The following FAM20B variants were observed in gnomAD, a reference collection of about 807,000 sequenced individuals.
The protein encoded by FAM20B is FAM20B glycosaminoglycan xylosylkinase.
FAM20B carries 23 observed loss-of-function variants against 43.8 expected under a neutral mutation model. That is an observed-to-expected ratio of 0.53 (90% confidence interval 0.38 to 0.74). The LOEUF is 0.74. Among genes scored for constraint, FAM20B ranks in the 30% least tolerant of loss-of-function variants. FAM20B has a pLI of 0.00. For missense variants in FAM20B, 440 were observed against 510.5 expected, an observed-to-expected ratio of 0.86 and a Z score of 1.33; for synonymous variants, 178 against 192.4, an observed-to-expected ratio of 0.93 and a Z score of 0.62.
chr1:179,019,020 C>CAT, the FAM20B span, among the ~76,000 whole-genome samples: 1 of 152,210 alleles, frequency 6.6e-6, no homozygotes, highest in African/African-American at 2.4e-5. Flanking sequence ...TCAGAGATCA[C>CAT]ATATTCAACC....
intron 3 of FAM20B, among the ~76,000 whole-genome samples, chr1:179,051,649 A>C (rs1651012024): frequency 6.6e-6 from 1 of 152,000 alleles, no homozygotes; most frequent in Non-Finnish European, 1.5e-5. Context: ...TAAAATAATA[A>C]ATAAATTTTT....
chr1:179,070,427 T>C (rs1327450968), intron 7 of FAM20B, among the ~76,000 whole-genome samples: 2 of 151,506 alleles, frequency 1.3e-5, no homozygotes, highest in African/African-American at 4.9e-5. Context: ...GGTGCCAGCA[T>C]CTGACAAGGG....
At chr1:179,071,295 CA>C (rs1042624248) in intron 7 of FAM20B, among the ~76,000 whole-genome samples, 6 of 148,724 alleles carry the variant, frequency 4.0e-5, no homozygotes, top group Admixed American at 1.3e-4. Context: ...GACTCTGTCT[CA>C]AAAAAAAAAT....
chr1:179,024,238 C>A (rs1462167707), upstream of FAM20B, among the ~76,000 whole-genome samples: 1 of 152,182 alleles, frequency 6.6e-6, no homozygotes, highest in Admixed American at 6.5e-5. Flanking sequence ...GCCCCCTGCC[C>A]TCACCTGAAA....
intron 1 of FAM20B, among the ~76,000 whole-genome samples, chr1:179,041,438 G>A (rs1220768812): frequency 6.6e-6 from 1 of 152,110 alleles, no homozygotes; most frequent in Non-Finnish European, 1.5e-5. Context: ...CGGATCACTC[G>A]CGGTTAGGAG....
chr1:179,056,202 G>C (rs976517296), intron 4 of FAM20B, among the ~76,000 whole-genome samples: 3 of 152,072 alleles, frequency 2.0e-5, no homozygotes, highest in Admixed American at 1.3e-4. Flanking sequence ...CTGTGGGTTT[G>C]GACAAATATA....
In FAM20B at chr1:179,054,543, A is replaced by G. The variant is rs1651131635; in HGVS notation, c.479A>G (p.His160Arg). ...TTCCAAACCAGGATTCTGGGTTTCCACCGAGCCCCCTTGGTAGTTGGCAGA... is the reference window on the plus strand; with the variant it reads ...TTCCAAACCAGGATTCTGGGTTTCCGCCGAGCCCCCTTGGTAGTTGGCAGA... ...AFHLDRILGF[H>R]RAPLVVGRFV... Residue 160 changes from histidine to arginine, a missense_variant, in exon 4 of 8, where the codon CAC (histidine) becomes CGC (arginine). Transcript: ENST00000263733. 6.2e-7 allele frequency: 1 copy of G among 1,611,832 alleles called. No homozygotes were observed. Among genetic ancestry groups the G allele is most frequent in the Non-Finnish European group, 8.5e-7 (1 of 1,178,136 alleles).
chr1:179,022,661 G>C (rs1649624717), upstream of FAM20B, among the ~76,000 whole-genome samples: 3 of 152,132 alleles, frequency 2.0e-5, no homozygotes, highest in Non-Finnish European at 4.4e-5. Flanking sequence ...AGTCTCTGGG[G>C]CTCAATTCCC....
At chr1:179,035,610 G>A (rs928110404) in intron 1 of FAM20B, 3 of 494,884 alleles carry the variant, frequency 6.1e-6, no homozygotes, top group Non-Finnish European at 1.1e-5. Context: ...ACGTAACTGT[G>A]GCCCTTTTTG....
At chr1:179,036,844 C>T (rs144659991) in intron 1 of FAM20B, among the ~76,000 whole-genome samples, 4 of 152,144 alleles carry the variant, frequency 2.6e-5, no homozygotes, top group African/African-American at 4.8e-5. Context: ...TAAGGAGGGA[C>T]GAAAAATTGC....
chr1:179,054,738 A>C (rs1236198702), intron 4 of FAM20B, 100 bp downstream of exon 4: 2 of 661,126 alleles, frequency 3.0e-6, no homozygotes, highest in East Asian at 2.7e-5. Context: ...GAATTGAAGA[A>C]CTCAGTGGAA....
intron 1 of FAM20B, among the ~76,000 whole-genome samples, chr1:179,028,679 T>G (rs1245517483): frequency 6.6e-6 from 1 of 152,182 alleles, no homozygotes; most frequent in African/African-American, 2.4e-5. Context: ...TTTTGTGGAT[T>G]GGGATGGGGA....
At chr1:179,028,533 G>A (rs1032558296) in intron 1 of FAM20B, among the ~76,000 whole-genome samples, 7 of 152,338 alleles carry the variant, frequency 4.6e-5, no homozygotes, top group Middle Eastern at 3.4e-3. Flanking sequence ...AGTGAGCTGA[G>A]ATTGCACCAC....
At chr1:179,021,189 C>A (rs893785349), upstream of FAM20B, among the ~76,000 whole-genome samples, 43 of 152,184 alleles carry the variant, frequency 2.8e-4, no homozygotes, top group African/African-American at 1.0e-3. Context: ...CATTATCCAT[C>A]GATGGTAGAA....
intron 3 of FAM20B, among the ~76,000 whole-genome samples, chr1:179,050,966 C>G (rs1287710299): frequency 6.6e-6 from 1 of 150,918 alleles, no homozygotes; most frequent in Non-Finnish European, 1.5e-5. Flanking sequence ...TACTAAAATA[C>G]AAAAAATTAG....
intron 7 of FAM20B, among the ~76,000 whole-genome samples, chr1:179,069,168 CA>C (rs1309766655): frequency 1.3e-5 from 2 of 152,036 alleles, no homozygotes; most frequent in Non-Finnish European, 2.9e-5. Context: ...ACCAAGGACC[CA>C]CACCTTCTGG....
the FAM20B span, among the ~76,000 whole-genome samples, chr1:179,017,644 A>G: frequency 1.3e-5 from 2 of 152,316 alleles, no homozygotes; most frequent in South Asian, 4.1e-4. Flanking sequence ...GGTGCATTTT[A>G]TAACCTGTGA....
intron 1 of FAM20B, among the ~76,000 whole-genome samples, chr1:179,033,042 C>T (rs1650075432): frequency 6.6e-6 from 1 of 152,178 alleles, no homozygotes; most frequent in Non-Finnish European, 1.5e-5. Context: ...GCACAGTGCC[C>T]TACTGTCACT....
intron 4 of FAM20B, among the ~76,000 whole-genome samples, chr1:179,063,518 G>T (rs1651562203): frequency 6.6e-6 from 1 of 152,158 alleles, no homozygotes; most frequent in South Asian, 2.1e-4. Context: ...AGCCCCAGAG[G>T]CAGAGGTTGC....
Sources: gnomAD v4.1 joint callset for allele counts (sites outside exome capture counted in the v4.1 genomes callset) on GRCh38, gnomAD v4.1.1 for gene constraint, MANE v1.5 for transcripts, NCBI Gene and HGNC (gene_info 2026-07-23, HGNC 2026-07-21) for gene names.